Variants in GPR158 observed in about 807,000 individuals in gnomAD.
GPR158 encodes G protein-coupled receptor 158.
A neutral mutation model predicts 78.2 loss-of-function variants in GPR158; 30 were observed. The ratio of observed to expected loss-of-function variants is 0.38; its 90% CI spans 0.29 to 0.52. The LOEUF (loss-of-function observed/expected upper bound fraction) is 0.52. Among genes scored for constraint, GPR158 ranks in the 20% least tolerant of loss-of-function variants. The pLI is 0.83. For missense variants in GPR158, 1,463 were observed against 1,523.5 expected, an observed-to-expected ratio of 0.96 and a Z score of 0.66; for synonymous variants, 581 against 591.1, an observed-to-expected ratio of 0.98 and a Z score of 0.25.
At chr10:25,293,988 A>G in intron 2 of GPR158, among the ~76,000 whole-genome samples, 1 of 151,900 alleles carries the variant, frequency 6.6e-6, no homozygotes, top group East Asian at 1.9e-4. Flanking sequence ...CTCGTGATTC[A>G]CCTGCCTCAG....
chr10:25,294,652 TG>T (rs1239467858), intron 2 of GPR158, among the ~76,000 whole-genome samples: 2 of 152,208 alleles, frequency 1.3e-5, no homozygotes, highest in East Asian at 3.9e-4. Flanking sequence ...CTCTATGATT[TG>T]GATGTAATCA....
chr10:25,559,962 T>A (rs909946124), intron 6 of GPR158, among the ~76,000 whole-genome samples: 1 of 152,218 alleles, frequency 6.6e-6, no homozygotes, highest in Non-Finnish European at 1.5e-5. Flanking sequence ...GTTTTTAATA[T>A]AGTGGTGTGC....
chr10:25,588,582 A>C (rs1837300999), intron 7 of GPR158, among the ~76,000 whole-genome samples: 1 of 152,244 alleles, frequency 6.6e-6, no homozygotes, highest in African/African-American at 2.4e-5. Flanking sequence ...GTTAGAACTT[A>C]AATTTCTAGA....
intron 5 of GPR158, among the ~76,000 whole-genome samples, chr10:25,507,802 GT>G (rs1238599244): frequency 2.0e-5 from 3 of 152,208 alleles, no homozygotes; most frequent in African/African-American, 2.4e-5. Context: ...CACAAAAGAA[GT>G]CAAAGATTTA....
At chr10:25,256,812 C>T (rs1262341923) in intron 2 of GPR158, among the ~76,000 whole-genome samples, 2 of 152,014 alleles carry the variant, frequency 1.3e-5, no homozygotes, top group Admixed American at 1.3e-4. Context: ...GAAACAAAGC[C>T]GATAACATTA....
intron 5 of GPR158, among the ~76,000 whole-genome samples, chr10:25,503,398 A>T (rs1001179422): frequency 6.6e-6 from 1 of 152,148 alleles, no homozygotes; most frequent in Non-Finnish European, 1.5e-5. Context: ...TTTAAAAAAA[A>T]ATCCCAACCT....
chr10:25,227,401 A>G (rs1853388410), intron 2 of GPR158, among the ~76,000 whole-genome samples: 1 of 152,218 alleles, frequency 6.6e-6, no homozygotes, highest in Non-Finnish European at 1.5e-5. Context: ...TTCCCTGCGT[A>G]CAGTTTCAAG....
intron 5 of GPR158, among the ~76,000 whole-genome samples, chr10:25,472,681 C>A (rs75477884): frequency 2.0e-5 from 3 of 152,170 alleles, no homozygotes; most frequent in Non-Finnish European, 4.4e-5. Context: ...TCCTTCACAT[C>A]CCTTGTAAGT....
intron 5 of GPR158, among the ~76,000 whole-genome samples, chr10:25,544,082 TC>T (rs1836626674): frequency 6.6e-6 from 1 of 152,210 alleles, no homozygotes; most frequent in East Asian, 1.9e-4. Context: ...ACTCAGCTCA[TC>T]CTCTTTAACC....
At chr10:25,279,392 C>T (rs1227344926) in intron 2 of GPR158, among the ~76,000 whole-genome samples, 1 of 151,754 alleles carries the variant, frequency 6.6e-6, no homozygotes, top group Non-Finnish European at 1.5e-5. Flanking sequence ...CCAGAGAGAC[C>T]GAGGGGTTGA....
At chr10:25,359,654 A>G (rs1352370742) in intron 2 of GPR158, among the ~76,000 whole-genome samples, 8 of 152,152 alleles carry the variant, frequency 5.3e-5, no homozygotes, top group East Asian at 1.9e-4. Context: ...TATCCAGTCT[A>G]TCATTGATGG....
At chr10:25,242,395 G>GA (rs1853638731) in intron 2 of GPR158, among the ~76,000 whole-genome samples, 1 of 152,194 alleles carries the variant, frequency 6.6e-6, no homozygotes, top group Non-Finnish European at 1.5e-5. Flanking sequence ...AAATTATACA[G>GA]AAAAACAAAT....
intron 2 of GPR158, among the ~76,000 whole-genome samples, chr10:25,263,558 G>GATGCT (rs1853997825): frequency 6.6e-6 from 1 of 152,060 alleles, no homozygotes; most frequent in Non-Finnish European, 1.5e-5. Flanking sequence ...CGTGCTTAAA[G>GATGCT]ATGCTGCTTC....
At chr10:25,223,100 T>C (rs1853322909) in intron 2 of GPR158, among the ~76,000 whole-genome samples, 1 of 152,224 alleles carries the variant, frequency 6.6e-6, no homozygotes, top group African/African-American at 2.4e-5. Context: ...TCCTCTATTC[T>C]GATTAACAAA....
At chr10:25,543,566 A>T (rs1836618925) in intron 5 of GPR158, among the ~76,000 whole-genome samples, 1 of 152,156 alleles carries the variant, frequency 6.6e-6, no homozygotes, top group South Asian at 2.1e-4. Flanking sequence ...TAATGTATCC[A>T]TCACTTAAAT....
chr10:25,511,123 T>A (rs1023576093), intron 5 of GPR158, among the ~76,000 whole-genome samples: 1 of 152,216 alleles, frequency 6.6e-6, no homozygotes, highest in Non-Finnish European at 1.5e-5. Flanking sequence ...CTTTCCACGC[T>A]GTTTACAATA....
intron 2 of GPR158, among the ~76,000 whole-genome samples, chr10:25,285,066 T>TTG (rs149094801): frequency 0.043 from 6,372 of 148,484 alleles, 137 homozygotes; most frequent in Middle Eastern, 0.12. Flanking sequence ...GTTCTATTCA[T>TTG]TGTGTGTGTG....
rs1837442726 is a variant in GPR158, at chr10:25,598,420, C to T, written c.2794C>T (p.Gln932Ter). Residue 932 changes from glutamine to a stop codon, truncating the protein, a stop_gained, in exon 11 of 11, where the codon CAG (glutamine) becomes TAG (stop). Coordinates refer to ENST00000376351, the MANE Select transcript of GPR158 (RefSeq NM_020752.3). LOFTEE classifies it low-confidence loss of function (END_TRUNC). Reference protein sequence around the residue: ...TAGVEERTKSQKPLPKDKETN... With the variant: ...TAGVEERTKS ...AGGTGTGGAAGAACGCACTAAATCC[C>T]AGAAACCTTTGCCAAAAGATAAAGA... The T allele has an allele frequency of 1.2e-6, 2 of 1,613,898 alleles. No homozygotes were observed. Among genetic ancestry groups the T allele is most frequent in the African/African-American group, 1.3e-5 (1 of 74,868 alleles).
chr10:25,495,662 G>A (rs1209138342), intron 5 of GPR158, among the ~76,000 whole-genome samples: 1 of 151,952 alleles, frequency 6.6e-6, no homozygotes, highest in Non-Finnish European at 1.5e-5. Flanking sequence ...ATGATGATGA[G>A]TGGTATGTTG....
Sources: allele counts gnomAD v4.1 joint callset (sites outside exome capture counted in the v4.1 genomes callset), GRCh38; gene constraint gnomAD v4.1.1; transcripts MANE v1.5; gene names NCBI Gene and HGNC (gene_info 2026-07-23, HGNC 2026-07-21).